CSMD1: variants seen among roughly 807,000 people sequenced by gnomAD.
CSMD1 encodes the protein CUB and Sushi multiple domains 1.
In CSMD1, 213 loss-of-function variants were observed where a neutral mutation model predicts 417.5. That is an observed-to-expected ratio of 0.51 (90% CI 0.46 to 0.57). CSMD1 has a LOEUF of 0.57. Among genes scored for constraint, CSMD1 ranks in the 20% least tolerant of loss-of-function variants. CSMD1 has a pLI of 0.00. For missense variants in CSMD1, 6,923 were observed against 4,529.7 expected (o/e 1.53, Z -15.17); for synonymous variants, 2,862 against 1,736.8 (o/e 1.65, Z -16.11).
intron 3 of CSMD1, among the ~76,000 whole-genome samples, chr8:4,289,318 C>G (rs1797232598): frequency 2.0e-5 from 3 of 152,208 alleles, no homozygotes; most frequent in African/African-American, 4.8e-5. Context: ...AGATTGCTAT[C>G]ACGTAACTCC....
At chr8:4,447,049 G>A (rs557462292) in intron 2 of CSMD1, among the ~76,000 whole-genome samples, 2 of 152,112 alleles carry the variant, frequency 1.3e-5, no homozygotes, top group Admixed American at 6.5e-5. Flanking sequence ...TCATCAGCCT[G>A]TGTCAGGTCT....
chr8:3,917,603 T>C lies in CSMD1; in HGVS notation c.818+80300A>G, dbSNP rs535093796. ...TAGTTGACATAAAGTTCAGATTGGC[T>C]TCATATTTATATTTTACCTTTTTCT... On this transcript the variant is annotated intron_variant, in intron 5 of 69. Transcript: ENST00000635120. Among the ~76,000 whole-genome samples the C allele has an allele frequency of 3.5e-4, 10 of 28,292 alleles. No homozygotes were observed. The East Asian group carries it at 0.032, about 90-fold the overall frequency. The allele number at this position is 28,292 out of a possible 152,430, so 18.6% of individuals were successfully genotyped here.
intron 5 of CSMD1, among the ~76,000 whole-genome samples, chr8:3,995,384 A>C (rs970154967): frequency 4.8e-5 from 7 of 145,324 alleles, no homozygotes; most frequent in Admixed American, 1.4e-4. Flanking sequence ...TACACACAAA[A>C]CACTCTGTTG....
At chr8:3,274,596 A>G (rs1229529321) in intron 26 of CSMD1, among the ~76,000 whole-genome samples, 1 of 152,100 alleles carries the variant, frequency 6.6e-6, no homozygotes, top group Non-Finnish European at 1.5e-5. Flanking sequence ...GACTTGCTTT[A>G]TGAATCTGGG....
chr8:3,282,958 T>C (rs1026148628), intron 26 of CSMD1, among the ~76,000 whole-genome samples: 12 of 152,252 alleles, frequency 7.9e-5, no homozygotes, highest in Non-Finnish European at 1.0e-4. Context: ...CCCAATAATA[T>C]GGCATCTCTC....
intron 1 of CSMD1, among the ~76,000 whole-genome samples, chr8:4,898,304 A>T (rs1223596393): frequency 6.6e-6 from 1 of 152,088 alleles, no homozygotes; most frequent in African/African-American, 2.4e-5. Context: ...TTTTTCCAAG[A>T]CACCTGTCAT....
At chr8:3,498,812 C>G (rs1245960426) in intron 10 of CSMD1, among the ~76,000 whole-genome samples, 1 of 151,914 alleles carries the variant, frequency 6.6e-6, no homozygotes, top group Non-Finnish European at 1.5e-5. Context: ...AAATTGTATT[C>G]ATTTTATTAT....
At chr8:3,805,154 T>A (rs527849680) in intron 5 of CSMD1, among the ~76,000 whole-genome samples, 1 of 152,040 alleles carries the variant, frequency 6.6e-6, no homozygotes, top group African/African-American at 2.4e-5. Context: ...GACAGCAGCA[T>A]CCCATTCAAA....
intron 5 of CSMD1, among the ~76,000 whole-genome samples, chr8:3,894,229 C>G (rs553170471): frequency 6.6e-6 from 1 of 152,238 alleles, no homozygotes; most frequent in South Asian, 2.1e-4. Flanking sequence ...ACGCAGGTAT[C>G]ACAACAGCTG....
intron 25 of CSMD1, among the ~76,000 whole-genome samples, chr8:3,289,225 G>A (rs77484632): frequency 0.034 from 4,970 of 146,834 alleles, 211 homozygotes; most frequent in Non-Finnish European, 0.051. Context: ...CCAGTCTATC[G>A]TTGTTGGACA....
intron 5 of CSMD1, among the ~76,000 whole-genome samples, chr8:3,886,926 G>A (rs1398548825): frequency 4.6e-5 from 7 of 152,164 alleles, no homozygotes; most frequent in Non-Finnish European, 5.9e-5. Context: ...ATCATCAGGG[G>A]ACTCAGGTCA....
chr8:4,468,814 T>C (rs1200234486), intron 2 of CSMD1, among the ~76,000 whole-genome samples: 1 of 152,178 alleles, frequency 6.6e-6, no homozygotes, highest in African/African-American at 2.4e-5. Context: ...ATAATTATTG[T>C]ATTGAATTTA....
chr8:3,194,991 A>G (rs1328721592), intron 33 of CSMD1, among the ~76,000 whole-genome samples: 1 of 152,198 alleles, frequency 6.6e-6, no homozygotes, highest in Admixed American at 6.5e-5. Context: ...AAGGGGTTCA[A>G]TATAGAAATA....
At chr8:4,390,495 A>ATTTTTTT (rs1554457294) in intron 3 of CSMD1, among the ~76,000 whole-genome samples, 2 of 26,542 alleles carry the variant, frequency 7.5e-5, no homozygotes, top group Non-Finnish European at 1.4e-4. Context: ...AGAAGCGTCC[A>ATTTTTTT]TTTTTATTTA....
intron 51 of CSMD1, among the ~76,000 whole-genome samples, chr8:3,028,745 G>A (rs1404956339): frequency 1.3e-5 from 2 of 151,962 alleles, no homozygotes; most frequent in Non-Finnish European, 2.9e-5. Context: ...TTGTTTTTAT[G>A]CATGATAATT....
chr8:4,035,406 G>A (rs1057181312), intron 3 of CSMD1, among the ~76,000 whole-genome samples: 3 of 151,910 alleles, frequency 2.0e-5, no homozygotes, highest in African/African-American at 4.8e-5. Context: ...AAAAAATTAC[G>A]ATTTTACTGT....
At chr8:4,149,108 C>T (rs543363948) in intron 3 of CSMD1, among the ~76,000 whole-genome samples, 3 of 152,072 alleles carry the variant, frequency 2.0e-5, no homozygotes, top group East Asian at 1.9e-4. Context: ...GGATTACAGG[C>T]GTGTACCACC....
intron 10 of CSMD1, among the ~76,000 whole-genome samples, chr8:3,571,664 C>T (rs1799947888): frequency 6.6e-6 from 1 of 152,056 alleles, no homozygotes; most frequent in Non-Finnish European, 1.5e-5. Flanking sequence ...GCTCCCCGAG[C>T]TCGGGGGTCC....
chr8:3,367,060 C>A lies in CSMD1; in HGVS notation c.3087G>T (p.Ser1029=), dbSNP rs148290208. ...QLRFISDFSI[S]YEGFNITFSE... ...AAAATGTGATATTGAAGCCCTCGTA[C>A]GAAATTGAGAAGTCTGATATAAACC... The change falls in exon 20 of 70, where the codon TCG becomes TCT. Residue 1029 remains serine (S), a synonymous_variant. Transcript: ENST00000635120. The A allele has an allele frequency of 6.2e-7, 1 of 1,613,568 alleles. No homozygotes were observed. The highest frequency in any genetic ancestry group is 1.3e-5 in the African/African-American group (1 of 74,996).
Sources: allele counts gnomAD v4.1 joint callset (sites outside exome capture counted in the v4.1 genomes callset), GRCh38; gene constraint gnomAD v4.1.1; transcripts MANE v1.5; gene names NCBI Gene and HGNC (gene_info 2026-07-23, HGNC 2026-07-21).